The following ZFAND4 variants were observed in gnomAD, a reference collection of about 807,000 sequenced individuals.
The protein encoded by ZFAND4 is AN1-type zinc finger protein 4.
Under a neutral mutation model 64.4 loss-of-function variants are expected in ZFAND4, and 43 were observed. That is an observed-to-expected ratio of 0.67 (90% CI 0.52 to 0.86). The LOEUF (loss-of-function observed/expected upper bound fraction) is 0.86. Among genes scored for constraint, ZFAND4 ranks in the 40% least tolerant of loss-of-function variants. ZFAND4 has a pLI of 0.00. For synonymous variants in ZFAND4, 296 were observed against 305.7 expected (o/e 0.97, Z 0.33); for missense variants, 929 against 859.8 (o/e 1.08, Z -1.01).
chr10:45,628,758 C>T (rs1370283878), intron 6 of ZFAND4, among the ~76,000 whole-genome samples: 1 of 151,982 alleles, frequency 6.6e-6, no homozygotes, highest in Non-Finnish European at 1.5e-5. Flanking sequence ...AATAAAATCA[C>T]TCATAACCCA....
intron 6 of ZFAND4, among the ~76,000 whole-genome samples, chr10:45,635,229 C>CAAAA (rs1216684562): frequency 6.4e-5 from 7 of 110,030 alleles, no homozygotes; most frequent in African/African-American, 2.1e-4. Context: ...AAAAAACAAA[C>CAAAA]AAAAAAAAAC....
intron 8 of ZFAND4, among the ~76,000 whole-genome samples, chr10:45,622,909 C>T (rs897044679): frequency 7.3e-5 from 11 of 150,888 alleles, no homozygotes; most frequent in South Asian, 4.2e-4. Context: ...AGTTTGGTTT[C>T]GGGGAAAAAA....
intron 1 of ZFAND4, among the ~76,000 whole-genome samples, chr10:45,666,831 G>A (rs1225082779): frequency 2.0e-5 from 3 of 152,102 alleles, no homozygotes; most frequent in Non-Finnish European, 4.4e-5. Flanking sequence ...TAAATGTGAA[G>A]GTTTATTTCC....
intron 1 of ZFAND4, among the ~76,000 whole-genome samples, chr10:45,668,323 A>G (rs1344245067): frequency 2.6e-5 from 4 of 152,250 alleles, no homozygotes; most frequent in Non-Finnish European, 4.4e-5. Flanking sequence ...TTTACAGACA[A>G]GCAAATGCTG....
intron 6 of ZFAND4, among the ~76,000 whole-genome samples, chr10:45,627,922 T>A (rs2133585502): frequency 6.6e-6 from 1 of 152,332 alleles, no homozygotes; most frequent in Non-Finnish European, 1.5e-5. Flanking sequence ...CCTTTTACCT[T>A]TGCTGATTTT....
intron 8 of ZFAND4, among the ~76,000 whole-genome samples, chr10:45,619,186 G>T (rs115438170): frequency 6.6e-6 from 1 of 151,776 alleles, no homozygotes; most frequent in South Asian, 2.1e-4. Flanking sequence ...CTATGGGCAC[G>T]CACCACCACG....
intron 9 of ZFAND4, among the ~76,000 whole-genome samples, chr10:45,617,479 T>C (rs975243772): frequency 6.7e-6 from 1 of 149,932 alleles, no homozygotes; most frequent in African/African-American, 2.5e-5. Flanking sequence ...ATTTAAAAAA[T>C]TAACCAGGCA....
intron 7 of ZFAND4, among the ~76,000 whole-genome samples, chr10:45,625,230 T>C (rs2045714540): frequency 6.6e-6 from 1 of 150,520 alleles, no homozygotes. Flanking sequence ...CCCAGCACTT[T>C]GGGAGGCCCA....
chr10:45,628,746 C>A (rs1363797021), intron 6 of ZFAND4, among the ~76,000 whole-genome samples: 1 of 151,894 alleles, frequency 6.6e-6, no homozygotes, highest in Non-Finnish European at 1.5e-5. Flanking sequence ...ACAACATACA[C>A]AAATAAAATC....
intron 5 of ZFAND4, among the ~76,000 whole-genome samples, chr10:45,641,248 C>T (rs2046978821): frequency 6.6e-6 from 1 of 152,138 alleles, no homozygotes; most frequent in Non-Finnish European, 1.5e-5. Context: ...TGATAAAACA[C>T]AAGCTTGGCA....
Position 45,626,525 on chromosome 10 carries a change from T to A in ZFAND4, c.1298A>T (p.Lys433Ile), listed in dbSNP as rs760088160. Residue 433 changes from lysine (K) to isoleucine (I), a missense_variant, in exon 7 of 10, where the codon AAA (lysine) becomes ATA (isoleucine). By Grantham distance (102) the Lys-to-Ile change is moderately radical. Transcript: ENST00000344646. ...ATGCTGCTCTGGAGCTTTCAACCCT[T>A]TGTCAGCATTAGTGAGTAGCAACTC... ...NLELLLTNAD[K>I]GLKAPEQHLK... 2 of 1,614,054 alleles carry A rather than the reference T, an allele frequency of 1.2e-6. No individual in the cohort carries two copies. Among genetic ancestry groups the A allele is most frequent in the Non-Finnish European group, 8.5e-7 (1 of 1,180,034 alleles).
intron 2 of ZFAND4, among the ~76,000 whole-genome samples, chr10:45,660,160 C>CAAAA (rs59673620): frequency 1.1e-5 from 1 of 92,538 alleles, no homozygotes; most frequent in African/African-American, 4.2e-5. Flanking sequence ...AGACGCATCT[C>CAAAA]AAAAAAAAAA....
At chr10:45,625,404 G>A (rs956298506) in intron 7 of ZFAND4, among the ~76,000 whole-genome samples, 2 of 150,030 alleles carry the variant, frequency 1.3e-5, no homozygotes, top group Non-Finnish European at 3.0e-5. Context: ...AACCCGGGAG[G>A]CAGAGCTTGC....
chr10:45,652,024 T>G lies in ZFAND4; in HGVS notation c.270A>C (p.Glu90Asp). 1 of 1,613,808 alleles carries G rather than the reference T, an allele frequency of 6.2e-7. No homozygotes were observed. The highest frequency in any genetic ancestry group is 8.5e-7 in the Non-Finnish European group (1 of 1,179,744). Residue 90 changes from glutamate (E) to aspartate (D), a missense_variant, in exon 4 of 10, where the codon GAA (glutamate) becomes GAC (aspartate). By Grantham distance (45) the Glu-to-Asp change is conservative (BLOSUM62 2). Coordinates refer to ENST00000344646, the MANE Select transcript of ZFAND4 (RefSeq NM_174890.4). Reference sequence around the variant, plus strand: ...CCAAAACTAGCTTCAAGGTACACCCTTCTGAAATGCTGTGGATAGTTAACA... The same window carrying G: ...CCAAAACTAGCTTCAAGGTACACCCGTCTGAAATGCTGTGGATAGTTAACA... Reference protein sequence around the residue: ...DYCLNDYNISEGCTLKLVLAM... With the variant: ...DYCLNDYNISDGCTLKLVLAM...
At chr10:45,619,386 T>A (rs2045250048) in intron 8 of ZFAND4, among the ~76,000 whole-genome samples, 1 of 152,142 alleles carries the variant, frequency 6.6e-6, no homozygotes, top group Admixed American at 6.6e-5. Flanking sequence ...CTTTTAGAAC[T>A]GATCAAAATG....
intron 3 of ZFAND4, 31 bp downstream of exon 3, chr10:45,652,952 CT>C: frequency 3.2e-6 from 5 of 1,552,306 alleles, no homozygotes; most frequent in Non-Finnish European, 4.4e-6. Flanking sequence ...TACTAAGTGC[CT>C]ACAAAACAGC....
At chr10:45,643,397 A>G (rs111524214) in intron 5 of ZFAND4, among the ~76,000 whole-genome samples, 9,045 of 150,908 alleles carry the variant, frequency 0.06, 391 homozygotes, top group African/African-American at 0.12. Flanking sequence ...CAGGCCGGGC[A>G]CAGTGGCTCA....
At chr10:45,623,528 A>G (rs1263493441) in intron 8 of ZFAND4, among the ~76,000 whole-genome samples, 2 of 152,250 alleles carry the variant, frequency 1.3e-5, no homozygotes, top group Non-Finnish European at 2.9e-5. Flanking sequence ...GGACATTCTG[A>G]TAAGTGAAAT....
rs753661027 is a variant in ZFAND4, at chr10:45,652,977, C to T, written c.260+7G>A. 1.2e-6 allele frequency: 2 copies of T among 1,605,314 alleles called. No homozygotes were observed. The highest frequency in any genetic ancestry group is 1.7e-6 in the Non-Finnish European group (2 of 1,174,994). On this transcript the variant is annotated splice_region_variant and intron_variant, in intron 3 of 9. Transcript: ENST00000344646. ...CTACAAAACAGCCAATATGCAATTA[C>T]ACTCACTTGTAATCATTCAAGCAAT... is the stretch of plus-strand genomic sequence containing the variant.
Sources: allele counts gnomAD v4.1 joint callset (sites outside exome capture counted in the v4.1 genomes callset), GRCh38; gene constraint gnomAD v4.1.1; transcripts MANE v1.5; gene names NCBI Gene and HGNC (gene_info 2026-07-23, HGNC 2026-07-21).